Variants in GATAD2B observed in about 807,000 individuals in gnomAD.
The protein encoded by GATAD2B is transcriptional repressor p66-beta.
GATAD2B carries 8 observed loss-of-function variants against 64.3 expected under a neutral mutation model. The observed-to-expected ratio is 0.12, with a 90% CI of 0.07 to 0.22. GATAD2B has a LOEUF of 0.22. Among genes scored for constraint, GATAD2B ranks in the 10% least tolerant of loss-of-function variants. The pLI is 1.00. For missense variants in GATAD2B, 453 were observed against 752.0 expected, an observed-to-expected ratio of 0.60 and a Z score of 4.65; for synonymous variants, 281 against 271.3, an observed-to-expected ratio of 1.04 and a Z score of -0.35.
intron 1 of GATAD2B, among the ~76,000 whole-genome samples, chr1:153,876,516 AGTGG>A (rs1197382984): frequency 1.3e-5 from 2 of 152,176 alleles, no homozygotes; most frequent in Non-Finnish European, 2.9e-5. Context: ...ATGACCTTGC[AGTGG>A]GTAACATACT....
At chr1:153,917,228 G>C (rs573260551) in intron 1 of GATAD2B, among the ~76,000 whole-genome samples, 1 of 147,790 alleles carries the variant, frequency 6.8e-6, no homozygotes, top group Admixed American at 6.8e-5. Flanking sequence ...CTCCCGAGTA[G>C]CTGGGATTAC....
At chr1:153,840,854 G>A (rs1481260574) in intron 1 of GATAD2B, among the ~76,000 whole-genome samples, 3 of 151,990 alleles carry the variant, frequency 2.0e-5, no homozygotes, top group Non-Finnish European at 1.5e-5. Flanking sequence ...GGCCGGGCAC[G>A]GTGGCTCACG....
intron 1 of GATAD2B, among the ~76,000 whole-genome samples, chr1:153,878,171 T>C (rs981613543): frequency 6.6e-6 from 1 of 151,938 alleles, no homozygotes; most frequent in Non-Finnish European, 1.5e-5. Flanking sequence ...TCTTTTTTTT[T>C]TTTTCTTTTT....
In GATAD2B at chr1:153,807,335, C is replaced by G. The variant is rs1156590158; in HGVS notation, c.*2842G>C. On this transcript the variant is annotated 3_prime_UTR_variant, in exon 11 of 11. Coordinates refer to ENST00000368655, the MANE Select transcript of GATAD2B (RefSeq NM_020699.4). ...TAGACTTGGAGGGACACAAGGCAAT[C>G]AGTGATGAAAAAAAAGAGACGGAGA... 1 of 151,428 alleles carries G rather than the reference C, an allele frequency of 6.6e-6. No homozygotes were observed. Among genetic ancestry groups the G allele is most frequent in the Non-Finnish European group, 1.5e-5 (1 of 67,930 alleles). The allele number at this position is 151,428 out of a possible 1,614,324, so 9.4% of individuals were successfully genotyped here.
intron 10 of GATAD2B, among the ~76,000 whole-genome samples, chr1:153,811,363 C>A (rs1674286472): frequency 1.3e-5 from 2 of 152,172 alleles, no homozygotes; most frequent in African/African-American, 2.4e-5. Flanking sequence ...GAGATAGAAT[C>A]ATTAAATCAG....
intron 1 of GATAD2B, among the ~76,000 whole-genome samples, chr1:153,916,636 A>C (rs1335247607): frequency 6.6e-6 from 1 of 152,184 alleles, no homozygotes; most frequent in East Asian, 1.9e-4. Flanking sequence ...TTTTTCAATA[A>C]TCAAGTGTAT....
At chr1:153,865,032 T>C (rs965413567) in intron 1 of GATAD2B, among the ~76,000 whole-genome samples, 1 of 152,124 alleles carries the variant, frequency 6.6e-6, no homozygotes, top group East Asian at 1.9e-4. Flanking sequence ...ATCCCGCCAC[T>C]GCACTCCAGC....
At chr1:153,829,160 T>C (rs1674990888) in intron 1 of GATAD2B, among the ~76,000 whole-genome samples, 1 of 152,060 alleles carries the variant, frequency 6.6e-6, no homozygotes, top group African/African-American at 2.4e-5. Context: ...AGCCTGATCG[T>C]ACCACTGAAC....
intron 1 of GATAD2B, among the ~76,000 whole-genome samples, chr1:153,861,012 A>G (rs948298099): frequency 6.6e-6 from 1 of 152,216 alleles, no homozygotes; most frequent in African/African-American, 2.4e-5. Flanking sequence ...CTGGCTTTAA[A>G]GGTCTCTGTC....
intron 7 of GATAD2B, among the ~76,000 whole-genome samples, chr1:153,815,112 A>AAAAAAC (rs1674418574): frequency 1.2e-4 from 14 of 112,520 alleles, no homozygotes; most frequent in African/African-American, 4.7e-4. Flanking sequence ...AAAAAAAAAA[A>AAAAAAC]CCAACAAAGA....
intron 2 of GATAD2B, among the ~76,000 whole-genome samples, chr1:153,820,374 A>AAT (rs1449458829): frequency 1.3e-5 from 2 of 152,154 alleles, no homozygotes; most frequent in African/African-American, 4.8e-5. Context: ...TTTACTAGAT[A>AAT]ACTCTCATTT....
chr1:153,877,742 G>C (rs1419819149), intron 1 of GATAD2B, among the ~76,000 whole-genome samples: 2 of 151,950 alleles, frequency 1.3e-5, no homozygotes, highest in South Asian at 4.2e-4. Flanking sequence ...GCCGGGTGTG[G>C]TGGCACATGC....
intron 1 of GATAD2B, among the ~76,000 whole-genome samples, chr1:153,905,066 G>A (rs1557831525): frequency 6.6e-6 from 1 of 151,986 alleles, no homozygotes; most frequent in Non-Finnish European, 1.5e-5. Flanking sequence ...GGCTGGTCTC[G>A]AACTCCTGAC....
rs572302346 is a variant in GATAD2B at position 153,913,543 on chromosome 1, C to T, written c.-2+9190G>A. 3.9e-4 allele frequency among the ~76,000 whole-genome samples: 59 copies of T among 152,282 alleles called. No homozygotes were observed. In the South Asian group the frequency reaches 0.011, roughly 29 times the overall value. ...CCTGGGAATGCACTGAAGGTGAAGG[C>T]TAAGCTGGTTGAACTGCAATATTTG... On this transcript the variant is annotated intron_variant, in intron 1 of 10. Coordinates refer to ENST00000368655, the MANE Select transcript of GATAD2B (RefSeq NM_020699.4).
At chr1:153,845,416 T>C (rs1379577682) in intron 1 of GATAD2B, among the ~76,000 whole-genome samples, 4 of 151,412 alleles carry the variant, frequency 2.6e-5, no homozygotes, top group African/African-American at 9.7e-5. Flanking sequence ...TTCCAGCCTA[T>C]GCAAAATAGT....
At chr1:153,858,578 C>A (rs1676166490) in intron 1 of GATAD2B, among the ~76,000 whole-genome samples, 1 of 152,032 alleles carries the variant, frequency 6.6e-6, no homozygotes, top group Admixed American at 6.6e-5. Context: ...GCATTCCAGC[C>A]TGGGGAACAG....
chr1:153,914,886 C>A, intron 1 of GATAD2B: 1 of 152,228 alleles, frequency 6.6e-6, no homozygotes, highest in Non-Finnish European at 1.5e-5. Context: ...ATGACTGTGC[C>A]ATTGCATTCC....
At chr1:153,859,123 G>A (rs1401957553) in intron 1 of GATAD2B, among the ~76,000 whole-genome samples, 5 of 152,068 alleles carry the variant, frequency 3.3e-5, no homozygotes. Flanking sequence ...AGCACTTTGG[G>A]AGGCCGAGGT....
At chr1:153,848,360 CCTTAT>C (rs1375913030) in intron 1 of GATAD2B, among the ~76,000 whole-genome samples, 3 of 152,138 alleles carry the variant, frequency 2.0e-5, no homozygotes, top group African/African-American at 7.2e-5. Context: ...ATTTACCAAT[CCTTAT>C]CTTATTTGAA....
Sources: allele counts gnomAD v4.1 joint callset (sites outside exome capture counted in the v4.1 genomes callset), GRCh38; gene constraint gnomAD v4.1.1; transcripts MANE v1.5; gene names NCBI Gene and HGNC (gene_info 2026-07-23, HGNC 2026-07-21).